GPAM: variants seen among roughly 807,000 people sequenced by gnomAD.
GPAM encodes the protein glycerol-3-phosphate acyltransferase 1, mitochondrial.
GPAM carries 56 observed loss-of-function variants against 105.0 expected under a neutral mutation model. That is an observed-to-expected ratio of 0.53 (90% CI 0.43 to 0.67). The LOEUF (loss-of-function observed/expected upper bound fraction) is 0.67, where lower values mean the gene tolerates loss of function less well. Among genes scored for constraint, GPAM ranks in the 30% least tolerant of loss-of-function variants. The pLI, the probability that GPAM is intolerant of heterozygous loss-of-function variation, is 0.00. For synonymous variants in GPAM, 368 were observed against 354.4 expected, an observed-to-expected ratio of 1.04 and a Z score of -0.43; for missense variants, 855 against 989.8, an observed-to-expected ratio of 0.86 and a Z score of 1.83.
At chr10:112,216,538 G>A (rs1405398399), upstream of GPAM, among the ~76,000 whole-genome samples, 1 of 152,184 alleles carries the variant, frequency 6.6e-6, no homozygotes, top group Admixed American at 6.5e-5. Flanking sequence ...ATTCTCCAAG[G>A]GGACCCCCTG....
intron 1 of GPAM, among the ~76,000 whole-genome samples, chr10:112,196,765 A>C (rs1483837892): frequency 6.6e-6 from 1 of 152,162 alleles, no homozygotes; most frequent in Non-Finnish European, 1.5e-5. Flanking sequence ...ACAAGGTGCA[A>C]TTTCTTCTTC....
chr10:112,179,477 C>T (rs1056718437), intron 4 of GPAM, among the ~76,000 whole-genome samples: 5 of 152,160 alleles, frequency 3.3e-5, no homozygotes, highest in Admixed American at 2.6e-4. Flanking sequence ...TGAATTCTAC[C>T]AAATTCTTGC....
Position 112,150,141 on chromosome 10 carries a change from A to C in GPAM, c.*3409T>G. On this transcript the variant is annotated 3_prime_UTR_variant, in exon 22 of 22. Transcript: ENST00000348367. The stretch of plus-strand genomic sequence containing the variant: ...TCAAATGCAATCATTAGTTTGTATT[A>C]AACTAAAATGCCAGACGGCAAGTCT... The C allele has an allele frequency of 1.0e-6, 1 of 984,570 alleles. No individual in the cohort carries two copies. The allele number at this position is 984,570 out of a possible 1,614,324, so 61.0% of individuals were successfully genotyped here.
At chr10:112,169,017 G>T in intron 9 of GPAM, 65 bp from the exon 10 acceptor site, 2 of 1,090,004 alleles carry the variant, frequency 1.8e-6, no homozygotes, top group Non-Finnish European at 2.8e-6. Flanking sequence ...CACATTCCAA[G>T]TTAATTGAAA....
Position 112,151,113 on chromosome 10 carries a change from GT to G in GPAM, c.*2436del, listed in dbSNP as rs559477400. The G allele has an allele frequency of 0.029, 19,145 of 669,340 alleles. 161 individuals carry two copies. The highest frequency in any genetic ancestry group is 0.091 in the African/African-American group (4,650 of 51,102). 41.5% of individuals were successfully genotyped at this position (669,340 alleles called of 1,614,324 possible). ...CTGCAGTTTCATGTTGTTTAATATT[GT>G]TTTTTTTTTTTAACTTGACCACAGT... On this transcript the variant is annotated 3_prime_UTR_variant, in exon 22 of 22. Transcript: ENST00000348367.
chr10:112,172,142 T>C (rs1307331953), intron 9 of GPAM, 40 bp downstream of exon 9: 1 of 1,451,616 alleles, frequency 6.9e-7, no homozygotes, highest in Non-Finnish European at 9.7e-7. Flanking sequence ...CAAAACATAA[T>C]CTTTTTAATT....
intron 18 of GPAM, among the ~76,000 whole-genome samples, chr10:112,157,943 T>G (rs1165265690): frequency 1.3e-5 from 2 of 152,232 alleles, no homozygotes; most frequent in African/African-American, 2.4e-5. Flanking sequence ...ATTATTGGTT[T>G]GTTTACTTAT....
At chr10:112,216,076 G>T (rs558942042), upstream of GPAM, among the ~76,000 whole-genome samples, 1 of 152,178 alleles carries the variant, frequency 6.6e-6, no homozygotes, top group South Asian at 2.1e-4. Flanking sequence ...ACTGTCAGTC[G>T]CTTCCTGCTT....
At position 112,173,013 on chromosome 10, in the gene GPAM, T is replaced by G; in HGVS notation, c.614A>C (p.Gln205Pro). The change falls in exon 8 of 22, where the codon CAA becomes CCA. Residue 205 changes from glutamine (Q) to proline (P), a missense_variant. Gln to Pro is a moderately conservative substitution (Grantham distance 76). Coordinates refer to ENST00000348367, the MANE Select transcript of GPAM (RefSeq NM_001244949.2). ...CATCTCAAGTTGACCTTTGTGAATTTGAATGTTCCAAAAGAAGCTGTTGAA... is the reference window on the plus strand; with the variant it reads ...CATCTCAAGTTGACCTTTGTGAATTGGAATGTTCCAAAAGAAGCTGTTGAA... ...KLFNSFFWNI[Q>P]IHKGQLEMVK... is the part of the protein sequence containing the mutation. 6.2e-7 allele frequency: 1 copy of G among 1,610,390 alleles called. No individual in the cohort carries two copies. The highest frequency in any genetic ancestry group is 8.5e-7 in the Non-Finnish European group (1 of 1,176,656).
intron 1 of GPAM, among the ~76,000 whole-genome samples, chr10:112,201,236 C>T (rs1847793287): frequency 6.6e-6 from 1 of 152,202 alleles, no homozygotes; most frequent in Admixed American, 6.5e-5. Context: ...TTGATCAGGA[C>T]TCACGAGGAC....
At chr10:112,215,305 C>A (rs184925626) in exon 1 of GPAM, 18 of 152,208 alleles carry the variant, frequency 1.2e-4, no homozygotes, top group African/African-American at 4.1e-4. Context: ...CCTGTTTGCA[C>A]GGCCAGAGGC....
upstream of GPAM, among the ~76,000 whole-genome samples, chr10:112,216,423 G>A (rs1847968829): frequency 1.3e-5 from 2 of 152,122 alleles, no homozygotes; most frequent in Admixed American, 6.5e-5. Context: ...GACTGGTGAA[G>A]AGGGCTTGTC....
intron 14 of GPAM, among the ~76,000 whole-genome samples, chr10:112,162,578 A>C (rs190469764): frequency 4.6e-5 from 7 of 152,282 alleles, no homozygotes; most frequent in African/African-American, 1.7e-4. Context: ...AGATAACAAT[A>C]AATTTAAGAA....
rs1158270812 is a variant in GPAM at position 112,153,300 on chromosome 10, G to A, written c.*250C>T. The A allele has an allele frequency of 2.2e-6, 3 of 1,338,772 alleles. No homozygotes were observed. The highest frequency in any genetic ancestry group is 3.1e-5 in the East Asian group (1 of 32,172). 82.9% of individuals were successfully genotyped at this position (1,338,772 alleles called of 1,614,324 possible). On this transcript the variant is annotated 3_prime_UTR_variant, in exon 22 of 22. Transcript: ENST00000348367. ...AAATAATTTATTGAGATTTCATCTTGTAGTCTACGGATTATGAGTTGCGAA... is the reference window on the plus strand; with the variant it reads ...AAATAATTTATTGAGATTTCATCTTATAGTCTACGGATTATGAGTTGCGAA...
Position 112,151,941 on chromosome 10 carries a change from GAA to G in GPAM, c.*1607_*1608del. ...CATGGTATACATCAATTCCTATAAA[GAA>G]AAAATATATTTTAAATGCAGAACTT... On this transcript the variant is annotated 3_prime_UTR_variant, in exon 22 of 22. Transcript: ENST00000348367. 1 of 980,026 alleles carries G rather than the reference GAA, an allele frequency of 1.0e-6. No individual in the cohort carries two copies. The highest frequency in any genetic ancestry group is 1.2e-6 in the Non-Finnish European group (1 of 825,112). 60.7% of individuals were successfully genotyped at this position (980,026 alleles called of 1,614,324 possible). A position where few individuals can be genotyped will look rare whatever the true frequency, so the allele number is the denominator to read the frequency against.
the GPAM span, among the ~76,000 whole-genome samples, chr10:112,226,662 G>A: frequency 1.3e-5 from 2 of 152,320 alleles, no homozygotes; most frequent in African/African-American, 4.8e-5. Context: ...AGAGAAACAG[G>A]TGGTGAGGTT....
At chr10:112,165,835 C>T (rs1189260122) in intron 12 of GPAM, among the ~76,000 whole-genome samples, 1 of 152,062 alleles carries the variant, frequency 6.6e-6, no homozygotes, top group African/African-American at 2.4e-5. Context: ...ATTATTTATT[C>T]ATTTATTCAT....
At position 112,175,631 on chromosome 10, in the gene GPAM, T is replaced by G. The variant is rs1217694414; in HGVS notation, c.382A>C (p.Asn128His). 1.2e-6 allele frequency: 2 copies of G among 1,610,626 alleles called. No homozygotes were observed. The highest frequency in any genetic ancestry group is 1.7e-6 in the Non-Finnish European group (2 of 1,176,782). The change falls in exon 6 of 22, where the codon AAT becomes CAT. Residue 128 changes from asparagine (N) to histidine (H), a missense_variant. By Grantham distance (68) the Asn-to-His change is moderately conservative (BLOSUM62 1). Coordinates refer to ENST00000348367, the MANE Select transcript of GPAM (RefSeq NM_001244949.2). Reference sequence around the variant, plus strand: ...CTGTTCAGCACATTTTCAGTCACATTGGTGGCAAACATGCCCTTATGCACA... The same window carrying G: ...CTGTTCAGCACATTTTCAGTCACATGGGTGGCAAACATGCCCTTATGCACA... Reference protein sequence around the residue: ...RDVHKGMFATNVTENVLNSSR... With the variant: ...RDVHKGMFATHVTENVLNSSR...
At chr10:112,162,770 A>G (rs778617619) in intron 14 of GPAM, among the ~76,000 whole-genome samples, 1 of 152,108 alleles carries the variant, frequency 6.6e-6, no homozygotes, top group Non-Finnish European at 1.5e-5. Flanking sequence ...CAGCAACACC[A>G]CTGGTTATTT....
Sources: allele counts gnomAD v4.1 joint callset (sites outside exome capture counted in the v4.1 genomes callset), GRCh38; gene constraint gnomAD v4.1.1; transcripts MANE v1.5; gene names NCBI Gene and HGNC (gene_info 2026-07-23, HGNC 2026-07-21).